Variants in RGS7 observed in about 807,000 individuals in gnomAD.
The protein encoded by RGS7 is regulator of G protein signaling 7, also known as regulator of G-protein signaling 7.
In RGS7, 27 loss-of-function variants were observed where a neutral mutation model predicts 81.1. The observed-to-expected ratio is 0.33, with a 90% confidence interval of 0.25 to 0.46. The LOEUF is 0.46. RGS7 is among the 20% of genes least tolerant of loss of function. RGS7 has a pLI of 1.00. For synonymous variants in RGS7, 208 were observed against 207.7 expected (o/e 1.00, Z -0.01); for missense variants, 396 against 607.4 (o/e 0.65, Z 3.66).
chr1:241,134,617 T>C (rs2067357842), intron 2 of RGS7, among the ~76,000 whole-genome samples: 2 of 152,124 alleles, frequency 1.3e-5, no homozygotes. Context: ...CGGAAGTCAC[T>C]CTTGTTGTTT....
chr1:240,938,789 C>A (rs1012025794), intron 4 of RGS7, among the ~76,000 whole-genome samples: 1 of 151,770 alleles, frequency 6.6e-6, no homozygotes, highest in Non-Finnish European at 1.5e-5. Context: ...GTTTTTTGTA[C>A]AGAGGAGCAT....
intron 2 of RGS7, among the ~76,000 whole-genome samples, chr1:241,132,647 GA>G (rs149951762): frequency 0.018 from 2,672 of 152,252 alleles, 96 homozygotes; most frequent in African/African-American, 0.061. Context: ...TTTGGTGGGG[GA>G]GGTACATTAG....
chr1:241,307,442 G>T (rs980699249), intron 2 of RGS7, among the ~76,000 whole-genome samples: 3 of 152,158 alleles, frequency 2.0e-5, no homozygotes, highest in Admixed American at 6.5e-5. Flanking sequence ...TTCCCACTTA[G>T]TAAAAGCAGT....
In RGS7 at chr1:240,800,732, A is replaced by G. The variant is rs1332976950; in HGVS notation, c.1414-11T>C. ...AGGGATGTTTCTGCCCTATAAAAATAAATGTGTTGAAGGCTTTAGTTTGAG... is the reference window on the plus strand; with the variant it reads ...AGGGATGTTTCTGCCCTATAAAAATGAATGTGTTGAAGGCTTTAGTTTGAG... On this transcript the variant is annotated splice_polypyrimidine_tract_variant and intron_variant, in intron 17 of 18. Coordinates refer to ENST00000440928, the MANE Select transcript of RGS7 (RefSeq NM_001364886.1). 4 of 1,508,452 alleles carry G rather than the reference A, an allele frequency of 2.7e-6. No individual in the cohort carries two copies. The South Asian group carries it at 4.8e-5, about 18-fold the overall frequency. 93.4% of individuals were successfully genotyped at this position (1,508,452 alleles called of 1,614,324 possible).
chr1:240,915,634 C>G (rs185779499), intron 6 of RGS7, among the ~76,000 whole-genome samples: 43 of 152,254 alleles, frequency 2.8e-4, no homozygotes, highest in African/African-American at 9.4e-4. Flanking sequence ...TAAAACCTCA[C>G]AGTAATGGCC....
intron 2 of RGS7, among the ~76,000 whole-genome samples, chr1:241,299,935 C>CAAAAAA (rs35939099): frequency 2.6e-4 from 15 of 58,078 alleles, no homozygotes; most frequent in African/African-American, 9.3e-4. Flanking sequence ...CTCGTTTCTC[C>CAAAAAA]AAAAAAAAAA....
At chr1:241,265,300 A>G (rs1219058426) in intron 2 of RGS7, among the ~76,000 whole-genome samples, 1 of 152,168 alleles carries the variant, frequency 6.6e-6, no homozygotes, top group African/African-American at 2.4e-5. Flanking sequence ...TCCTTCAACC[A>G]ATGGGATGCA....
At chr1:241,068,898 T>C (rs1440338362) in intron 3 of RGS7, among the ~76,000 whole-genome samples, 1 of 152,132 alleles carries the variant, frequency 6.6e-6, no homozygotes, top group Non-Finnish European at 1.5e-5. Context: ...CCCTTGGTAC[T>C]GTTGTTGCAA....
intron 3 of RGS7, among the ~76,000 whole-genome samples, chr1:241,039,514 A>C (rs560720711): frequency 1.3e-4 from 20 of 152,076 alleles, no homozygotes; most frequent in African/African-American, 4.8e-4. Context: ...ATATATGGAA[A>C]CCAGAAGGTA....
rs549054758 is a variant in RGS7 at position 241,294,685 on chromosome 1, T to C, written c.78+61014A>G. 5.3e-5 allele frequency among the ~76,000 whole-genome samples: 8 copies of C among 152,328 alleles called. No homozygotes were observed. The South Asian group carries it at 1.7e-3, about 32-fold the overall frequency. Reference sequence around the variant, plus strand: ...CTCCATTCATGGCAAGTGCCCTATATGGGTGTACCATTTTTTTCCTCTTCT... The same window carrying C: ...CTCCATTCATGGCAAGTGCCCTATACGGGTGTACCATTTTTTTCCTCTTCT... On this transcript the variant is annotated intron_variant, in intron 2 of 18. Transcript: ENST00000440928.
At chr1:240,897,615 C>A (rs548798324) in intron 6 of RGS7, among the ~76,000 whole-genome samples, 1 of 152,320 alleles carries the variant, frequency 6.6e-6, no homozygotes, top group South Asian at 2.1e-4. Flanking sequence ...ACCAGCCTTG[C>A]ATCCCAGGGA....
chr1:241,265,783 G>C (rs978422775), intron 2 of RGS7, among the ~76,000 whole-genome samples: 4 of 131,462 alleles, frequency 3.0e-5, no homozygotes, highest in African/African-American at 1.1e-4. Context: ...CCTTTTCCTC[G>C]TCCTTTTTTT....
chr1:241,157,343 C>T (rs956631316), intron 2 of RGS7, among the ~76,000 whole-genome samples: 3 of 152,046 alleles, frequency 2.0e-5, no homozygotes, highest in Non-Finnish European at 2.9e-5. Flanking sequence ...TTTCAGTGAA[C>T]GGGGAGAGGA....
chr1:241,016,568 CAA>C (rs890392440), intron 3 of RGS7, among the ~76,000 whole-genome samples: 3 of 134,722 alleles, frequency 2.2e-5, no homozygotes, highest in African/African-American at 9.8e-5. Context: ...ACCAAACAAA[CAA>C]AAAAAAAACC....
At chr1:240,777,517 A>T (rs963708677) in intron 18 of RGS7, among the ~76,000 whole-genome samples, 1 of 152,306 alleles carries the variant, frequency 6.6e-6, no homozygotes, top group Non-Finnish European at 1.5e-5. Context: ...AGTTTTAGAA[A>T]GGGGTCAGCG....
chr1:240,811,394 C>T (rs536655402), intron 14 of RGS7, among the ~76,000 whole-genome samples: 8 of 152,330 alleles, frequency 5.3e-5, no homozygotes, highest in East Asian at 3.9e-4. Flanking sequence ...CACTCTCTCA[C>T]GAACAGCTCA....
At chr1:240,896,160 T>C (rs1371226457) in intron 6 of RGS7, among the ~76,000 whole-genome samples, 1 of 152,220 alleles carries the variant, frequency 6.6e-6, no homozygotes, top group Non-Finnish European at 1.5e-5. Context: ...TTTGTTTAAG[T>C]TCTTCATAGA....
chr1:241,028,674 G>A (rs2059913844), intron 3 of RGS7, among the ~76,000 whole-genome samples: 1 of 152,172 alleles, frequency 6.6e-6, no homozygotes, highest in Admixed American at 6.5e-5. Flanking sequence ...CGAGGGCCCA[G>A]GGAGGCGCAG....
chr1:240,988,223 G>A (rs1685958011), intron 3 of RGS7, among the ~76,000 whole-genome samples: 1 of 149,328 alleles, frequency 6.7e-6, no homozygotes, highest in Non-Finnish European at 1.5e-5. Flanking sequence ...CAGCTCTAAT[G>A]GTGACTCCAT....
Sources: gnomAD v4.1 joint callset for allele counts (sites outside exome capture counted in the v4.1 genomes callset) on GRCh38, gnomAD v4.1.1 for gene constraint, MANE v1.5 for transcripts, NCBI Gene and HGNC (gene_info 2026-07-23, HGNC 2026-07-21) for gene names.